Variants in KIAA0319 observed in about 807,000 individuals in gnomAD.
KIAA0319 encodes dyslexia-associated protein KIAA0319.
Under a neutral mutation model 108.4 loss-of-function variants are expected in KIAA0319, and 83 were observed. The observed-to-expected ratio is 0.77, with a 90% CI of 0.64 to 0.92. The LOEUF is 0.92. Among genes scored for constraint, KIAA0319 ranks in the 40% least tolerant of loss-of-function variants. The pLI, the probability that KIAA0319 is intolerant of heterozygous loss-of-function variation, is 0.00. For missense variants in KIAA0319, 1,195 were observed against 1,322.4 expected, an observed-to-expected ratio of 0.90 and a Z score of 1.49; for synonymous variants, 484 against 510.4, an observed-to-expected ratio of 0.95 and a Z score of 0.70.
At chr6:24,589,567 TG>T (rs1768133371) in intron 3 of KIAA0319, among the ~76,000 whole-genome samples, 1 of 152,178 alleles carries the variant, frequency 6.6e-6, no homozygotes, top group Non-Finnish European at 1.5e-5. Flanking sequence ...CGAGATCTGG[TG>T]GTTTTATAAG....
At chr6:24,587,638 G>A (rs950056688) in intron 4 of KIAA0319, among the ~76,000 whole-genome samples, 1 of 150,984 alleles carries the variant, frequency 6.6e-6, no homozygotes, top group Non-Finnish European at 1.5e-5. Context: ...CCAGGCTGGA[G>A]TGCAGTGGAG....
At chr6:24,600,584 G>T in intron 2 of KIAA0319, 1 of 1,101,114 alleles carries the variant, frequency 9.1e-7, no homozygotes, top group Non-Finnish European at 1.3e-6. Context: ...AGTTTTTCTA[G>T]TCATATCACC....
At chr6:24,571,027 A>G (rs1419870618) in intron 11 of KIAA0319, among the ~76,000 whole-genome samples, 2 of 151,676 alleles carry the variant, frequency 1.3e-5, no homozygotes, top group Non-Finnish European at 2.9e-5. Flanking sequence ...CTGTGTTTCT[A>G]TTAAAAATCC....
In KIAA0319 at chr6:24,599,821, C is replaced by A; in HGVS notation, c.55+1228G>T. ...ACAGCAGCCCCTCCCAGCCTACCCC[C>A]TCCTGTGACTGCCCCAGAGCCTGTG... is the stretch of plus-strand genomic sequence containing the variant. On this transcript the variant is annotated intron_variant, in intron 2 of 20. Coordinates refer to ENST00000378214, the MANE Select transcript of KIAA0319 (RefSeq NM_014809.4). This position sits in a 1 kb window ranked among gnomAD's most constrained non-coding sequence, Gnocchi z 4.1. 2.2e-6 allele frequency: 1 copy of A among 457,350 alleles called. No individual in the cohort carries two copies. The allele number at this position is 457,350 out of a possible 1,614,324, so 28.3% of individuals were successfully genotyped here. A position where few individuals can be genotyped will look rare whatever the true frequency, so the allele number is the denominator to read the frequency against.
At chr6:24,553,292 T>TACACACACAC (rs1387377002) in intron 19 of KIAA0319, among the ~76,000 whole-genome samples, 2 of 95,016 alleles carry the variant, frequency 2.1e-5, no homozygotes, top group African/African-American at 9.6e-5. Context: ...TATATATATA[T>TACACACACAC]ATACACACAC....
chr6:24,541,640 A>T (rs941624487), downstream of KIAA0319, among the ~76,000 whole-genome samples: 38 of 152,240 alleles, frequency 2.5e-4, no homozygotes, highest in African/African-American at 8.2e-4. Flanking sequence ...TCTACTAAAA[A>T]TACAAAAATT....
chr6:24,601,813 G>C (rs1165435213), intron 1 of KIAA0319, among the ~76,000 whole-genome samples: 3 of 152,212 alleles, frequency 2.0e-5, no homozygotes, highest in Non-Finnish European at 2.9e-5. Flanking sequence ...TGTTTATAGA[G>C]ATAGCAATCT....
At chr6:24,542,383 A>T, downstream of KIAA0319, among the ~76,000 whole-genome samples, 1 of 152,192 alleles carries the variant, frequency 6.6e-6, no homozygotes, top group East Asian at 1.9e-4. Context: ...AACTTGAAAG[A>T]GCCAATCCTT....
At chr6:24,597,567 T>C (rs1769849518) in intron 2 of KIAA0319, among the ~76,000 whole-genome samples, 1 of 152,184 alleles carries the variant, frequency 6.6e-6, no homozygotes, top group African/African-American at 2.4e-5. Flanking sequence ...CTTCATTTGG[T>C]CCAAGTTGCC....
intron 20 of KIAA0319, 38 bp downstream of exon 20, chr6:24,551,396 A>G (rs2076313): frequency 0.25 from 350,393 of 1,425,996 alleles, 46,904 homozygotes; most frequent in African/African-American, 0.5. Context: ...GTTAAATCAT[A>G]TAAAGGTGCC....
At chr6:24,563,656 T>A (rs143223310) in intron 15 of KIAA0319, 138 bp from the exon 16 acceptor site, 2 of 682,704 alleles carry the variant, frequency 2.9e-6, no homozygotes, top group Non-Finnish European at 4.6e-6. Context: ...AGGTAAATTC[T>A]TCTAAACACC....
At chr6:24,563,729 T>C (rs1368298874) in intron 15 of KIAA0319, among the ~76,000 whole-genome samples, 1 of 152,234 alleles carries the variant, frequency 6.6e-6, no homozygotes, top group Non-Finnish European at 1.5e-5. Context: ...TTATAATTTT[T>C]TTTCCAGAAG....
intron 1 of KIAA0319, among the ~76,000 whole-genome samples, chr6:24,615,307 C>A (rs1371814766): frequency 1.3e-5 from 2 of 151,954 alleles, no homozygotes; most frequent in Non-Finnish European, 2.9e-5. Context: ...GCTCTATATA[C>A]ACATTGGTAT....
At chr6:24,600,117 G>A (rs73388299) in intron 2 of KIAA0319, among the ~76,000 whole-genome samples, 7 of 152,020 alleles carry the variant, frequency 4.6e-5, no homozygotes, top group African/African-American at 1.5e-4. Context: ...TGAATTAAGG[G>A]AGAATACCTC....
intron 11 of KIAA0319, 104 bp from the exon 12 acceptor site, chr6:24,570,139 G>T: frequency 9.2e-7 from 1 of 1,087,760 alleles, no homozygotes; most frequent in Non-Finnish European, 1.3e-6. Flanking sequence ...AGACCAGGCA[G>T]CCACTAGAGT....
rs764907021 is a variant in KIAA0319, at chr6:24,568,779, A to G, written c.2140+2T>C. The G allele has an allele frequency of 1.2e-6, 2 of 1,613,546 alleles. No individual in the cohort carries two copies. Among genetic ancestry groups the G allele is most frequent in the Non-Finnish European group, 1.7e-6 (2 of 1,179,874 alleles). On this transcript the variant is annotated splice_donor_variant, in intron 13 of 20. Coordinates refer to ENST00000378214, the MANE Select transcript of KIAA0319 (RefSeq NM_014809.4). LOFTEE classifies it high-confidence loss of function. ...AGCCCTGTCCACCTCAGACCCACTC[A>G]CCCTTCTTCACAGCCACAGTGAGGG...
chr6:24,580,805 G>C, intron 7 of KIAA0319, 121 bp downstream of exon 7: 1 of 683,164 alleles, frequency 1.5e-6, no homozygotes, highest in Admixed American at 2.4e-5. Flanking sequence ...CTACAATGGA[G>C]CCTAATACAA....
chr6:24,570,007 G>C lies in KIAA0319; in HGVS notation c.1887C>G (p.Ala629=). ...GGAAGATCAGCTCTTTATCAGGGCC[G>C]GCCACAGCCACTGGAGGTCTATTGT... ...PENNRPPVAV[A]GPDKELIFPV... The change falls in exon 12 of 21, where the codon GCC becomes GCG. Residue 629 remains alanine (A), a synonymous_variant. Coordinates refer to ENST00000378214, the MANE Select transcript of KIAA0319 (RefSeq NM_014809.4). The C allele has an allele frequency of 1.2e-6, 2 of 1,613,960 alleles. No homozygotes were observed. The highest frequency in any genetic ancestry group is 2.2e-5 in the South Asian group (2 of 91,070).
intron 10 of KIAA0319, among the ~76,000 whole-genome samples, chr6:24,573,470 A>T (rs1238245428): frequency 1.3e-5 from 2 of 152,234 alleles, no homozygotes; most frequent in East Asian, 3.8e-4. Flanking sequence ...TATAAGTACT[A>T]AAATGGAAAA....
Sources: allele counts gnomAD v4.1 joint callset (sites outside exome capture counted in the v4.1 genomes callset), GRCh38; gene constraint gnomAD v4.1.1; non-coding constraint Gnocchi (gnomAD v3.1); transcripts MANE v1.5; gene names NCBI Gene and HGNC (gene_info 2026-07-23, HGNC 2026-07-21).